The following LEFTY2 variants were observed in gnomAD, a reference collection of about 807,000 sequenced individuals.
The protein encoded by LEFTY2 is left-right determination factor 2.
In LEFTY2, 10 loss-of-function variants were observed where a neutral mutation model predicts 26.4. That is an observed-to-expected ratio of 0.38 (90% CI 0.23 to 0.64). The LOEUF is 0.64. Ranked by LOEUF, LEFTY2 falls within the 30% of genes least tolerant of loss-of-function variation. LEFTY2 has a pLI of 0.56. For missense variants in LEFTY2, 407 were observed against 502.1 expected (o/e 0.81, Z 1.81); for synonymous variants, 204 against 234.1 (o/e 0.87, Z 1.17).
Position 225,941,084 on chromosome 1 carries a change from C to T in LEFTY2, c.57G>A (p.Gly19=), listed in dbSNP as rs755035521. 8 of 1,598,066 alleles carry T rather than the reference C, an allele frequency of 5.0e-6. No homozygotes were observed. Among genetic ancestry groups the T allele is most frequent in the East Asian group, 2.2e-5 (1 of 44,504 alleles). ...GGAGCTGCTCCTCGGTCAGGGCCGCCCCGGGGCCAGCCAGGGGCAGCACCC... is the reference window on the plus strand; with the variant it reads ...GGAGCTGCTCCTCGGTCAGGGCCGCTCCGGGGCCAGCCAGGGGCAGCACCC... ...ALWVLPLAGP[G]AALTEEQLLG... is the part of the protein sequence containing the mutation. Residue 19 remains glycine (G), a synonymous_variant, in exon 1 of 4, where the codon GGG becomes GGA. Coordinates refer to ENST00000366820, the MANE Select transcript of LEFTY2 (RefSeq NM_003240.5).
Position 225,937,423 on chromosome 1 carries a change from A to C in LEFTY2, c.*18T>G, listed in dbSNP as rs763081514. 6.2e-7 allele frequency: 1 copy of C among 1,613,798 alleles called. No homozygotes were observed. The highest frequency in any genetic ancestry group is 8.5e-7 in the Non-Finnish European group (1 of 1,180,046). ...ATGCACACGTTCAGTTAGAGGGCTC[A>C]ATGGATACACCAGGCGCCTATGGCT... On this transcript the variant is annotated 3_prime_UTR_variant, in exon 4 of 4. Coordinates refer to ENST00000366820, the MANE Select transcript of LEFTY2 (RefSeq NM_003240.5).
Position 225,939,823 on chromosome 1 carries a change from G to C in LEFTY2, c.430C>G (p.Arg144Gly). Residue 144 changes from arginine to glycine, a missense_variant, in exon 2 of 4, where the codon CGG (arginine) becomes GGG (glycine). Transcript: ENST00000366820. This position sits in a 1 kb window ranked among gnomAD's most constrained non-coding sequence, Gnocchi z 4.1. ...ACGCGCAGCCACTCGACGGTCACCCGGGCCTGGGCGCTGCGCGGGGACAGC... is the reference window on the plus strand; with the variant it reads ...ACGCGCAGCCACTCGACGGTCACCCCGGCCTGGGCGCTGCGCGGGGACAGC... Reference protein sequence around the residue: ...GRLSPRSAQARVTVEWLRVRD... With the variant: ...GRLSPRSAQAGVTVEWLRVRD... 2 of 1,550,834 alleles carry C rather than the reference G, an allele frequency of 1.3e-6. No individual in the cohort carries two copies. The highest frequency in any genetic ancestry group is 8.7e-7 in the Non-Finnish European group (1 of 1,153,676).
Position 225,937,793 on chromosome 1 carries a change from T to C in LEFTY2, c.749A>G (p.Asp250Gly), listed in dbSNP as rs1382714425. The C allele has an allele frequency of 6.2e-7, 1 of 1,611,694 alleles. No homozygotes were observed. The highest frequency in any genetic ancestry group is 2.2e-5 in the East Asian group (1 of 44,832). ...LDLRDYGAQG[D>G]CDPEAPMTEG... ...GGTCATTGGTGCTTCAGGGTCACAG[T>C]CGCCCTGAGCTCTGTGTGGGCAAGG... Residue 250 changes from aspartate (D) to glycine (G), a missense_variant, in exon 4 of 4, where the codon GAC becomes GGC. Transcript: ENST00000366820.
Position 225,939,325 on chromosome 1 carries a change from G to T in LEFTY2, c.737+36C>A, listed in dbSNP as rs376374473. On this transcript the variant is annotated intron_variant, in intron 3 of 3. Transcript: ENST00000366820. This position sits in a 1 kb window ranked among gnomAD's most constrained non-coding sequence, Gnocchi z 4.1. ...GGACGGGGGTCTGGACCACTCAGTGGCTGCTTGCCTCCCTTCTGCCCAGTC... is the reference window on the plus strand; with the variant it reads ...GGACGGGGGTCTGGACCACTCAGTGTCTGCTTGCCTCCCTTCTGCCCAGTC... 3.0e-5 allele frequency: 49 copies of T among 1,612,564 alleles called. No homozygotes were observed. The African/African-American group carries it at 6.3e-4, about 21-fold the overall frequency.
Position 225,939,728 on chromosome 1 carries a change from C to A in LEFTY2, c.497+28G>T. ...AGCCGGGCCGAGCAGCCTCCTACTC[C>A]TGCCCTGCGCGCCCGCGCGACCCCC... On this transcript the variant is annotated intron_variant, in intron 2 of 3. Coordinates refer to ENST00000366820, the MANE Select transcript of LEFTY2 (RefSeq NM_003240.5). The surrounding 1 kb of genome is among the most constrained non-coding windows in gnomAD (Gnocchi z 4.1). 1.2e-6 allele frequency: 2 copies of A among 1,604,808 alleles called. No homozygotes were observed. Among genetic ancestry groups the A allele is most frequent in the Non-Finnish European group, 1.7e-6 (2 of 1,177,194 alleles).
At position 225,937,906 on chromosome 1, in the gene LEFTY2, C is replaced by T. The variant is rs529670955; in HGVS notation, c.738-102G>A. On this transcript the variant is annotated intron_variant, in intron 3 of 3. Transcript: ENST00000366820. ...GCACCTGGGAGGGAGGTTTATGATC[C>T]AGCTCTCACTATGTTCTAAAAGCTG... 2.9e-5 allele frequency: 41 copies of T among 1,418,978 alleles called. No homozygotes were observed. The Admixed American group carries it at 8.1e-4, about 28-fold the overall frequency. 87.9% of individuals were successfully genotyped at this position (1,418,978 alleles called of 1,614,324 possible). A position where few individuals can be genotyped will look rare whatever the true frequency, so the allele number is the denominator to read the frequency against.
Position 225,939,990 on chromosome 1 carries a change from C to G in LEFTY2, c.263G>C (p.Arg88Thr). 1.1e-5 allele frequency: 18 copies of G among 1,595,832 alleles called. No homozygotes were observed. The highest frequency in any genetic ancestry group is 1.4e-5 in the Non-Finnish European group (17 of 1,179,604). Residue 88 changes from arginine (R) to threonine (T), a missense_variant, in exon 2 of 4, where the codon AGG becomes ACG. Physicochemically the swap from Arg to Thr is moderately conservative, Grantham distance 71. Coordinates refer to ENST00000366820, the MANE Select transcript of LEFTY2 (RefSeq NM_003240.5). The surrounding 1 kb of genome is among the most constrained non-coding windows in gnomAD (Gnocchi z 4.1). The stretch of plus-strand genomic sequence containing the variant: ...TGTGCTGGCCTCCGACGCCAGGAAC[C>G]TGCCGGCCACCTCTGGGGACAAGAG... ...FSQSFREVAGRFLASEASTHL... is the reference protein window; with the variant it reads ...FSQSFREVAGTFLASEASTHL...
chr1:225,940,855 C>G (rs1265965826), intron 1 of LEFTY2, 36 bp downstream of exon 1: 1 of 1,612,804 alleles, frequency 6.2e-7, no homozygotes, highest in South Asian at 1.1e-5. Flanking sequence ...TGCCCCCGAC[C>G]ATGGGACCGG....
In LEFTY2 at chr1:225,938,866, CTTT is replaced by C. The variant is rs34986398; in HGVS notation, c.737+492_737+494del. ...CTTTTTCTTTTCTTTTCTTTGTTTC[CTTT>C]TTTTTTTTTTTTTTTTGAGACAGAA... On this transcript the variant is annotated intron_variant, in intron 3 of 3. Transcript: ENST00000366820. 8.3e-3 allele frequency among the ~76,000 whole-genome samples: 940 copies of C among 113,036 alleles called. 7 individuals carry two copies. The highest frequency in any genetic ancestry group is 0.03 in the African/African-American group (852 of 28,582). The allele number at this position is 113,036 out of a possible 152,430, so 74.2% of individuals were successfully genotyped here.
intron 1 of LEFTY2, among the ~76,000 whole-genome samples, chr1:225,940,494 G>A (rs1672294376): frequency 6.6e-6 from 1 of 152,256 alleles, no homozygotes; most frequent in South Asian, 2.1e-4. Flanking sequence ...ATGGTGGAGA[G>A]AGGATTTTAA....
rs564180251 is a variant in LEFTY2, at chr1:225,940,880, G to C, written c.250+11C>G. 3 of 1,613,284 alleles carry C rather than the reference G, an allele frequency of 1.9e-6. No individual in the cohort carries two copies. In the African/African-American group the frequency reaches 4.0e-5, roughly 22 times the overall value. On this transcript the variant is annotated intron_variant, in intron 1 of 3. Transcript: ENST00000366820. ...CATGGGACCGGGGCCAGCAGGGAGG[G>C]AGGGTCTCACCTCGGAAGCTCTGGC...
Position 225,937,467 on chromosome 1 carries a change from G to A in LEFTY2, c.1075C>T (p.Leu359Phe), listed in dbSNP as rs746343846. ...TATGGCTGGAGCCTCCTTGGCACGA[G>A]CGCCCCATCCGAGGCACAGCTGCAC... Reference protein sequence around the residue: ...QKCSCASDGALVPRRLQP With the variant: ...QKCSCASDGAFVPRRLQP The change falls in exon 4 of 4, where the codon CTC (leucine) becomes TTC (phenylalanine). Residue 359 changes from leucine (L) to phenylalanine (F), a missense_variant. By Grantham distance (22) the Leu-to-Phe change is conservative. Transcript: ENST00000366820. 4.3e-6 allele frequency: 7 copies of A among 1,613,896 alleles called. No homozygotes were observed. The East Asian group carries it at 1.3e-4, about 31-fold the overall frequency.
intron 1 of LEFTY2, 66 bp from the exon 2 acceptor site, chr1:225,940,068 C>T: frequency 1.3e-6 from 2 of 1,591,706 alleles, no homozygotes. Context: ...GATGGCAGGG[C>T]CACTGAGCTG....
In LEFTY2 at chr1:225,937,505, A is replaced by G. The variant is rs369696586; in HGVS notation, c.1037T>C (p.Met346Thr). 73 of 1,613,812 alleles carry G rather than the reference A, an allele frequency of 4.5e-5. No homozygotes were observed. The highest frequency in any genetic ancestry group is 6.1e-5 in the Non-Finnish European group (72 of 1,180,008). Residue 346 changes from methionine (M) to threonine (T), a missense_variant, in exon 4 of 4, where the codon ATG (methionine) becomes ACG (threonine). Met to Thr is a moderately conservative substitution (Grantham distance 81, BLOSUM62 -1). Transcript: ENST00000366820. ...TRPQVVSLPN[M>T]RVQKCSCASD... ...GGCACAGCTGCACTTCTGCACCCTC[A>G]TGTTGGGCAGGCTGACCACCTGGGG... is the stretch of plus-strand genomic sequence containing the variant.
chr1:225,937,249 A>G lies in LEFTY2; in HGVS notation c.*192T>C. On this transcript the variant is annotated 3_prime_UTR_variant, in exon 4 of 4. Coordinates refer to ENST00000366820, the MANE Select transcript of LEFTY2 (RefSeq NM_003240.5). The stretch of plus-strand genomic sequence containing the variant: ...TACTAGAGCTCAGCATCTGAGCTGC[A>G]TTATTTACTCACGTAAGTGCTTAGG... 1.3e-6 allele frequency: 1 copy of G among 781,354 alleles called. No individual in the cohort carries two copies. Among genetic ancestry groups the G allele is most frequent in the South Asian group, 1.7e-5 (1 of 59,446 alleles). The allele number at this position is 781,354 out of a possible 1,614,324, so 48.4% of individuals were successfully genotyped here.
At chr1:225,937,946 G>A in intron 3 of LEFTY2, 142 bp from the exon 4 acceptor site, 1 of 1,149,292 alleles carries the variant, frequency 8.7e-7, no homozygotes. Flanking sequence ...TTTGTGAGAA[G>A]ATGAATAAAC....
At chr1:225,938,381 G>A (rs1258801169) in intron 3 of LEFTY2, among the ~76,000 whole-genome samples, 13 of 152,252 alleles carry the variant, frequency 8.5e-5, no homozygotes, top group African/African-American at 2.2e-4. Flanking sequence ...GATTACAATC[G>A]TGTATATGGA....
intron 3 of LEFTY2, among the ~76,000 whole-genome samples, chr1:225,938,368 G>A (rs1321253081): frequency 6.6e-6 from 1 of 152,252 alleles, no homozygotes; most frequent in Non-Finnish European, 1.5e-5. Context: ...AGTGAAAGTA[G>A]ATGATTACAA....
intron 3 of LEFTY2, 125 bp from the exon 4 acceptor site, chr1:225,937,929 C>T (rs746178578): frequency 2.3e-6 from 3 of 1,281,490 alleles, no homozygotes; most frequent in Non-Finnish European, 3.2e-6. Flanking sequence ...GTTCTAAAAG[C>T]TGGATATTTG....
Sources: gnomAD v4.1 joint callset for allele counts (sites outside exome capture counted in the v4.1 genomes callset) on GRCh38, gnomAD v4.1.1 for gene constraint, Gnocchi (gnomAD v3.1) non-coding constraint, MANE v1.5 for transcripts, NCBI Gene and HGNC (gene_info 2026-07-23, HGNC 2026-07-21) for gene names.